STON2: variants seen among roughly 807,000 people sequenced by gnomAD.
STON2 encodes the protein stonin 2, also known as stonin-2.
STON2 carries 29 observed loss-of-function variants against 65.7 expected under a neutral mutation model. That is an observed-to-expected ratio of 0.44 (90% confidence interval 0.33 to 0.60). The LOEUF (loss-of-function observed/expected upper bound fraction) is 0.60. STON2 is among the 20% of genes least tolerant of loss of function. STON2 has a pLI of 0.03. For synonymous variants in STON2, 404 were observed against 414.2 expected, an observed-to-expected ratio of 0.98 and a Z score of 0.30; for missense variants, 1,054 against 1,118.1, an observed-to-expected ratio of 0.94 and a Z score of 0.82.
At position 81,347,667 on chromosome 14, in the gene STON2, A is replaced by C. The variant is rs540567224; in HGVS notation, c.571+23321T>G. On this transcript the variant is annotated intron_variant, in intron 4 of 7. Transcript: ENST00000614646. ...ACAGGCCAGTATCCCTGATGAACAT[A>C]GATGCAAAGATCCTCAACAAAAAAC... is the stretch of plus-strand genomic sequence containing the variant. 6.7e-4 allele frequency among the ~76,000 whole-genome samples: 101 copies of C among 150,440 alleles called. 1 individual carries two copies. Among genetic ancestry groups the C allele is most frequent in the Middle Eastern group, 3.5e-3 (1 of 286 alleles).
At position 81,328,186 on chromosome 14, in the gene STON2, G is replaced by A. The variant is rs73339710; in HGVS notation, c.572-3999C>T. Among the ~76,000 whole-genome samples the A allele has an allele frequency of 9.6e-3, 1,464 of 152,238 alleles. 33 individuals carry two copies. Among genetic ancestry groups the A allele is most frequent in the African/African-American group, 0.033 (1,378 of 41,526 alleles). ...CGCAGCTGCTCAATCAATATCAAGT[G>A]AGTAACTTCAGGGATGATTGGCTTT... is the stretch of plus-strand genomic sequence containing the variant. On this transcript the variant is annotated intron_variant, in intron 4 of 7. Transcript: ENST00000614646.
At chr14:81,422,762 G>A (rs575600485) in intron 2 of STON2, among the ~76,000 whole-genome samples, 6 of 152,176 alleles carry the variant, frequency 3.9e-5, no homozygotes, top group African/African-American at 9.6e-5. Context: ...GGCCAGGCAC[G>A]GTGGCTCACG....
chr14:81,413,212 G>A, intron 2 of STON2: 1 of 1,549,292 alleles, frequency 6.5e-7, no homozygotes, highest in Non-Finnish European at 8.6e-7. Flanking sequence ...TGGGCCAAGT[G>A]GCCATTCTTC....
intron 5 of STON2, among the ~76,000 whole-genome samples, chr14:81,284,110 A>ATCTC (rs765987140): frequency 6.6e-6 from 1 of 151,230 alleles, no homozygotes. Flanking sequence ...CCATTCCCCT[A>ATCTC]TCTCTCTCTC....
At chr14:81,381,894 AATGCTC>A (rs552668398) in intron 3 of STON2, among the ~76,000 whole-genome samples, 6 of 152,144 alleles carry the variant, frequency 3.9e-5, no homozygotes, top group Non-Finnish European at 7.4e-5. Context: ...AGACAAAAAT[AATGCTC>A]ATGGAAGTGC....
intron 5 of STON2, among the ~76,000 whole-genome samples, chr14:81,312,896 C>T (rs77131560): frequency 0.085 from 12,928 of 152,234 alleles, 671 homozygotes; most frequent in East Asian, 0.17. Flanking sequence ...ACAACGATGC[C>T]GGTAAGAATT....
At chr14:81,371,241 T>A in intron 3 of STON2, 56 bp from the exon 4 acceptor site, 1 of 1,502,916 alleles carries the variant, frequency 6.7e-7, no homozygotes, top group Admixed American at 1.7e-5. Flanking sequence ...ACTTTGTTTA[T>A]CTTTAGTGCT....
At chr14:81,342,303 T>C (rs1398408744) in intron 4 of STON2, among the ~76,000 whole-genome samples, 3 of 151,894 alleles carry the variant, frequency 2.0e-5, no homozygotes, top group Admixed American at 1.3e-4. Context: ...CCCAGCTAAT[T>C]TTTGTATTTT....
chr14:81,424,562 G>C (rs570568045), intron 2 of STON2, among the ~76,000 whole-genome samples: 1 of 151,166 alleles, frequency 6.6e-6, no homozygotes, highest in South Asian at 2.1e-4. Context: ...ACAATGATAT[G>C]ATTTTTAAAA....
chr14:81,319,058 G>A (rs959957573), intron 5 of STON2, among the ~76,000 whole-genome samples: 1 of 152,068 alleles, frequency 6.6e-6, no homozygotes, highest in Non-Finnish European at 1.5e-5. Context: ...GGTGCCAAGG[G>A]AAGGATGAGA....
At chr14:81,287,533 G>A (rs1363748063) in intron 5 of STON2, among the ~76,000 whole-genome samples, 1 of 152,110 alleles carries the variant, frequency 6.6e-6, no homozygotes, top group East Asian at 1.9e-4. Context: ...CAAATGACTG[G>A]TTCAGCCTGC....
In STON2 at chr14:81,265,765, C is replaced by A. The variant is rs1311280670; in HGVS notation, c.*2649G>T. 1.6e-5 allele frequency: 16 copies of A among 982,960 alleles called. No individual in the cohort carries two copies. The African/African-American group carries it at 2.3e-4, about 14-fold the overall frequency. The allele number at this position is 982,960 out of a possible 1,614,324, so 60.9% of individuals were successfully genotyped here. A position where few individuals can be genotyped will look rare whatever the true frequency, so the allele number is the denominator to read the frequency against. ...TTTTCCCAACTCTTGGTAAAAAAAA[C>A]AAAAAAGTCCAGGTGCATGTACACA... On this transcript the variant is annotated 3_prime_UTR_variant, in exon 8 of 8. Coordinates refer to ENST00000614646, the MANE Select transcript of STON2 (RefSeq NM_001394390.1).
At chr14:81,408,683 C>CCTAT (rs1378782043) in intron 2 of STON2, among the ~76,000 whole-genome samples, 20 of 152,166 alleles carry the variant, frequency 1.3e-4, no homozygotes, top group Admixed American at 9.8e-4. Context: ...ATCAACAATC[C>CCTAT]CTATGGCTCT....
At chr14:81,429,931 T>C (rs1902158289) in intron 1 of STON2, among the ~76,000 whole-genome samples, 1 of 149,348 alleles carries the variant, frequency 6.7e-6, no homozygotes. Flanking sequence ...CAAGACTCTG[T>C]CTCAAAAAAA....
intron 4 of STON2, among the ~76,000 whole-genome samples, chr14:81,350,757 T>C (rs1266062299): frequency 6.6e-6 from 1 of 152,206 alleles, no homozygotes; most frequent in Non-Finnish European, 1.5e-5. Flanking sequence ...AGAAGACTTA[T>C]TTCCAGAGGC....
At chr14:81,413,916 C>G (rs1193926336) in intron 2 of STON2, among the ~76,000 whole-genome samples, 1 of 139,872 alleles carries the variant, frequency 7.1e-6, no homozygotes, top group Non-Finnish European at 1.5e-5. Flanking sequence ...AGCTTTCTTA[C>G]TGTTTTAATT....
chr14:81,347,902 CAAAAAAAAAAA>C (rs755109204), intron 4 of STON2, among the ~76,000 whole-genome samples: 1 of 51,560 alleles, frequency 1.9e-5, no homozygotes, highest in African/African-American at 7.8e-5. Flanking sequence ...TGTCTCTTAC[CAAAAAAAAAAA>C]AAAAAAAAAA....
At chr14:81,293,768 G>T (rs1029810838) in intron 5 of STON2, among the ~76,000 whole-genome samples, 5 of 152,134 alleles carry the variant, frequency 3.3e-5, no homozygotes, top group African/African-American at 1.2e-4. Flanking sequence ...TCAAGACATA[G>T]TAGCCAACTA....
rs542352650 is a variant in STON2, at chr14:81,287,029, ATAAGT to A, written c.743-8295_743-8291del. 4.6e-5 allele frequency among the ~76,000 whole-genome samples: 7 copies of A among 152,330 alleles called. No homozygotes were observed. The South Asian group carries it at 8.3e-4, about 18-fold the overall frequency. On this transcript the variant is annotated intron_variant, in intron 5 of 7. Coordinates refer to ENST00000614646, the MANE Select transcript of STON2 (RefSeq NM_001394390.1). ...TTAGGAACATTTTTCAACAGGGAAA[ATAAGT>A]TAATTAATTAAGGATTAACATCTAT...
Sources: gnomAD v4.1 joint callset for allele counts (sites outside exome capture counted in the v4.1 genomes callset) on GRCh38, gnomAD v4.1.1 for gene constraint, MANE v1.5 for transcripts, NCBI Gene and HGNC (gene_info 2026-07-23, HGNC 2026-07-21) for gene names.